The following SLC41A2 variants were observed in gnomAD, a reference collection of about 807,000 sequenced individuals.
The protein encoded by SLC41A2 is solute carrier family 41 member 2, also known as SLC41A1-like 1.
SLC41A2 carries 32 observed loss-of-function variants against 58.3 expected under a neutral mutation model. The ratio of observed to expected loss-of-function variants is 0.55; its 90% CI spans 0.41 to 0.74. The LOEUF (loss-of-function observed/expected upper bound fraction) is 0.74, where lower values mean the gene tolerates loss of function less well. Ranked by LOEUF, SLC41A2 falls within the 30% of genes least tolerant of loss-of-function variation. The probability of loss-of-function intolerance (pLI) is 0.00; values close to 1 mark genes in which losing one functional copy is unlikely to be tolerated. For synonymous variants in SLC41A2, 190 were observed against 235.0 expected, an observed-to-expected ratio of 0.81 and a Z score of 1.75; for missense variants, 514 against 680.6, an observed-to-expected ratio of 0.76 and a Z score of 2.72.
chr12:104,895,845 C>T lies in SLC41A2; in HGVS notation c.664-500G>A, dbSNP rs1482207051. On this transcript the variant is annotated intron_variant, in intron 3 of 10. Transcript: ENST00000258538. ...TGTTAGCAATAAAATTCATTGTTTA[C>T]AAATTAATTTTGATCATGTACCGCA... is the stretch of plus-strand genomic sequence containing the variant. 3.9e-5 allele frequency among the ~76,000 whole-genome samples: 6 copies of T among 152,094 alleles called. No homozygotes were observed. The East Asian group carries it at 5.8e-4, about 15-fold the overall frequency.
chr12:104,909,306 A>T (rs985771516), intron 3 of SLC41A2, among the ~76,000 whole-genome samples: 1 of 152,162 alleles, frequency 6.6e-6, no homozygotes, highest in African/African-American at 2.4e-5. Context: ...AGTTTTTATA[A>T]TAAGAATGTA....
At chr12:104,918,058 C>A (rs889367289) in intron 2 of SLC41A2, among the ~76,000 whole-genome samples, 2 of 149,126 alleles carry the variant, frequency 1.3e-5, no homozygotes, top group Non-Finnish European at 3.0e-5. Flanking sequence ...GACAAAATGA[C>A]CAACTTCAAT....
intron 9 of SLC41A2, among the ~76,000 whole-genome samples, chr12:104,844,853 A>T (rs919543982): frequency 1.3e-5 from 2 of 152,208 alleles, no homozygotes; most frequent in Admixed American, 6.5e-5. Context: ...TATGAAGAAC[A>T]TCGGTCACAC....
chr12:104,897,371 C>T (rs1479061749), intron 3 of SLC41A2, among the ~76,000 whole-genome samples: 1 of 152,000 alleles, frequency 6.6e-6, no homozygotes, highest in Non-Finnish European at 1.5e-5. Context: ...TCTTGAACTC[C>T]TGGCCCCAAG....
chr12:104,827,354 G>T (rs2041882412), intron 10 of SLC41A2, among the ~76,000 whole-genome samples: 1 of 152,168 alleles, frequency 6.6e-6, no homozygotes, highest in African/African-American at 2.4e-5. Context: ...CAAAGGGAGA[G>T]AAATGCAGGA....
intron 8 of SLC41A2, among the ~76,000 whole-genome samples, chr12:104,853,911 A>ATTATTTTTTT: frequency 1.7e-5 from 1 of 59,492 alleles, no homozygotes; most frequent in African/African-American, 6.9e-5. Flanking sequence ...TGCCTGGCTG[A>ATTATTTTTTT]TTTTTTTTTT....
At chr12:104,812,611 G>T (rs990680781) in intron 10 of SLC41A2, among the ~76,000 whole-genome samples, 1 of 152,042 alleles carries the variant, frequency 6.6e-6, no homozygotes, top group African/African-American at 2.4e-5. Context: ...ATGTGTTGAA[G>T]CAAAATGAGG....
At chr12:104,888,101 G>C (rs1188540960) in intron 5 of SLC41A2, among the ~76,000 whole-genome samples, 1 of 151,976 alleles carries the variant, frequency 6.6e-6, no homozygotes, top group East Asian at 1.9e-4. Context: ...AATTATTTTT[G>C]TACCAACAAT....
intron 10 of SLC41A2, among the ~76,000 whole-genome samples, chr12:104,828,085 G>A (rs2041910311): frequency 6.6e-6 from 1 of 152,116 alleles, no homozygotes; most frequent in African/African-American, 2.4e-5. Flanking sequence ...AAAACCCTGA[G>A]ACCCTAGCAA....
chr12:104,835,869 A>C (rs2042191286), intron 10 of SLC41A2, among the ~76,000 whole-genome samples: 1 of 151,654 alleles, frequency 6.6e-6, no homozygotes, highest in Non-Finnish European at 1.5e-5. Context: ...TTTGAGACAG[A>C]GTCTTGCTCT....
intron 2 of SLC41A2, among the ~76,000 whole-genome samples, chr12:104,925,167 C>T (rs775313775): frequency 7.2e-5 from 11 of 152,232 alleles, no homozygotes; most frequent in Middle Eastern, 6.8e-3. Flanking sequence ...GTTTATATTA[C>T]GAAAATCCAG....
chr12:104,934,375 G>A (rs1442495173), intron 1 of SLC41A2, among the ~76,000 whole-genome samples: 2 of 152,166 alleles, frequency 1.3e-5, no homozygotes, highest in Non-Finnish European at 2.9e-5. Context: ...AAGCTATTCA[G>A]AAGCTTAGAT....
At chr12:104,815,592 G>T (rs528087677) in intron 10 of SLC41A2, among the ~76,000 whole-genome samples, 39 of 152,218 alleles carry the variant, frequency 2.6e-4, no homozygotes, top group Non-Finnish European at 4.9e-4. Context: ...TATATAGTGT[G>T]AAGAAAGATG....
At chr12:104,918,963 A>C (rs558721597) in intron 2 of SLC41A2, among the ~76,000 whole-genome samples, 33 of 152,234 alleles carry the variant, frequency 2.2e-4, no homozygotes, top group Admixed American at 1.8e-3. Context: ...TTCCATCACC[A>C]CAAGGAGCTC....
At chr12:104,918,098 G>A (rs1004968471) in intron 2 of SLC41A2, among the ~76,000 whole-genome samples, 1 of 151,432 alleles carries the variant, frequency 6.6e-6, no homozygotes, top group African/African-American at 2.4e-5. Flanking sequence ...ATGAAAAGGT[G>A]AAAAGTTTTC....
At chr12:104,894,492 T>C (rs1291637962) in intron 4 of SLC41A2, among the ~76,000 whole-genome samples, 3 of 152,234 alleles carry the variant, frequency 2.0e-5, no homozygotes, top group Non-Finnish European at 1.5e-5. Flanking sequence ...GATCTCAGAT[T>C]TTCTCATTTC....
At chr12:104,872,107 GA>G (rs372268389) in intron 6 of SLC41A2, among the ~76,000 whole-genome samples, 8 of 144,788 alleles carry the variant, frequency 5.5e-5, no homozygotes, top group South Asian at 2.2e-4. Context: ...GAATAAGAAG[GA>G]AAAAAAAAAC....
chr12:104,918,957 A>G (rs75963095), intron 2 of SLC41A2, among the ~76,000 whole-genome samples: 4,706 of 152,214 alleles, frequency 0.031, 125 homozygotes, highest in East Asian at 0.11. Flanking sequence ...GAACATTTCC[A>G]TCACCACAAG....
At chr12:104,855,996 G>A (rs982955990) in intron 8 of SLC41A2, among the ~76,000 whole-genome samples, 2 of 152,034 alleles carry the variant, frequency 1.3e-5, no homozygotes, top group South Asian at 2.1e-4. Context: ...GAAATGAGCC[G>A]TATGACAAGG....
Sources: allele counts gnomAD v4.1 joint callset (sites outside exome capture counted in the v4.1 genomes callset), GRCh38; gene constraint gnomAD v4.1.1; transcripts MANE v1.5; gene names NCBI Gene and HGNC (gene_info 2026-07-23, HGNC 2026-07-21).